FRRS1: variants seen among roughly 807,000 people sequenced by gnomAD.
FRRS1 encodes the protein ferric chelate reductase 1, also known as ferric reductase 1.
A neutral mutation model predicts 70.7 loss-of-function variants in FRRS1; 51 were observed. That is an observed-to-expected ratio of 0.72 (90% CI 0.58 to 0.91). The LOEUF (loss-of-function observed/expected upper bound fraction) is 0.91, where lower values mean the gene tolerates loss of function less well. Among genes scored for constraint, FRRS1 ranks in the 40% least tolerant of loss-of-function variants. The probability of loss-of-function intolerance (pLI) is 0.00; values close to 1 mark genes in which losing one functional copy is unlikely to be tolerated. For missense variants in FRRS1, 672 were observed against 726.0 expected, an observed-to-expected ratio of 0.93 and a Z score of 0.86; for synonymous variants, 225 against 238.7, an observed-to-expected ratio of 0.94 and a Z score of 0.53.
chr1:99,747,474 CA>C lies in FRRS1; in HGVS notation c.197-45del, dbSNP rs535935017. 2,607 of 1,523,360 alleles carry C rather than the reference CA, an allele frequency of 1.7e-3. 12 individuals carry two copies. In the African/African-American group the frequency reaches 0.017, roughly 10 times the overall value. The allele number at this position is 1,523,360 out of a possible 1,614,324, so 94.4% of individuals were successfully genotyped here. Reference sequence around the variant, plus strand: ...GGTTGGTTAAAAAGCTTAGTAATATCAAAAAAAAATGTTTAGAGGTTGTACA... The same window carrying C: ...GGTTGGTTAAAAAGCTTAGTAATATCAAAAAAAATGTTTAGAGGTTGTACA... On this transcript the variant is annotated intron_variant, in intron 3 of 16. Transcript: ENST00000646001.
chr1:99,747,689 C>A, intron 3 of FRRS1: 1 of 353,476 alleles, frequency 2.8e-6, no homozygotes, highest in Non-Finnish European at 5.2e-6. Flanking sequence ...CAGGGGCAGT[C>A]CATAAGGCTA....
At chr1:99,740,457 A>G (rs1241539191) in intron 6 of FRRS1, among the ~76,000 whole-genome samples, 1 of 152,222 alleles carries the variant, frequency 6.6e-6, no homozygotes, top group Non-Finnish European at 1.5e-5. Context: ...GCCACACAAA[A>G]TACACAGAAC....
At position 99,706,722 on chromosome 1, in the gene FRRS1, C is replaced by T. The variant is rs375338753; in HGVS notation, c.*2306G>A. Among the ~76,000 whole-genome samples, 1 of 151,960 alleles carries T rather than the reference C, an allele frequency of 6.6e-6. No individual in the cohort carries two copies. ...CAGCCTGGCCAAAATGTGAAACCCC[C>T]GTCTCTACTAAAAATATAAAAATTA... On this transcript the variant is annotated 3_prime_UTR_variant, in exon 17 of 17. Coordinates refer to ENST00000646001, the MANE Select transcript of FRRS1 (RefSeq NM_001361041.2).
intron 6 of FRRS1, 114 bp from the exon 7 acceptor site, chr1:99,738,382 C>A: frequency 1.6e-6 from 1 of 639,830 alleles, no homozygotes. Context: ...AATGAGAATA[C>A]CTTTCCATAA....
chr1:99,727,399 A>G (rs1047059334), intron 9 of FRRS1, among the ~76,000 whole-genome samples: 1 of 152,242 alleles, frequency 6.6e-6, no homozygotes, highest in East Asian at 1.9e-4. Context: ...AACTACATGT[A>G]TCACCTATAT....
At chr1:99,725,097 A>T (rs564473817) in intron 9 of FRRS1, among the ~76,000 whole-genome samples, 1 of 152,192 alleles carries the variant, frequency 6.6e-6, no homozygotes, top group African/African-American at 2.4e-5. Context: ...AGATTCTCAT[A>T]AGGAGCACAC....
chr1:99,730,225 A>G (rs542185207), intron 7 of FRRS1, among the ~76,000 whole-genome samples: 1 of 152,312 alleles, frequency 6.6e-6, no homozygotes, highest in East Asian at 1.9e-4. Context: ...ACTGCATTGT[A>G]CTGGATATTT....
chr1:99,766,431 C>T (rs1657355068), intron 1 of FRRS1, among the ~76,000 whole-genome samples, 176 bp downstream of exon 1: 1 of 152,272 alleles, frequency 6.6e-6, no homozygotes, highest in African/African-American at 2.4e-5. Flanking sequence ...CGTTAGTGAA[C>T]ACTCATTAGC....
At chr1:99,744,458 C>T (rs1355032600) in intron 4 of FRRS1, among the ~76,000 whole-genome samples, 1 of 152,140 alleles carries the variant, frequency 6.6e-6, no homozygotes, top group Non-Finnish European at 1.5e-5. Flanking sequence ...TTGAAGATAC[C>T]ATCCCGGCTA....
At position 99,708,625 on chromosome 1, in the gene FRRS1, A is replaced by AAAAAAAAAATAT. The variant is rs1553169357; in HGVS notation, c.*402_*403insATATTTTTTTTT. The AAAAAAAAAATAT allele has an allele frequency of 1.9e-5, 1 of 52,732 alleles. No individual in the cohort carries two copies. Among genetic ancestry groups the AAAAAAAAAATAT allele is most frequent in the African/African-American group, 8.6e-5 (1 of 11,674 alleles). 3.3% of individuals were successfully genotyped at this position (52,732 alleles called of 1,614,324 possible). Reference sequence around the variant, plus strand: ...AAAAAAAAAAAAAAAAAAAAAAAAAAATATATATATATATATATATATATA... The same window carrying AAAAAAAAAATAT: ...AAAAAAAAAAAAAAAAAAAAAAAAAAAAAAAAAAATATATATATATATATATATATATATATA... On this transcript the variant is annotated 3_prime_UTR_variant, in exon 17 of 17. Coordinates refer to ENST00000646001, the MANE Select transcript of FRRS1 (RefSeq NM_001361041.2).
chr1:99,745,548 G>A (rs35878017), intron 4 of FRRS1, among the ~76,000 whole-genome samples: 1 of 152,092 alleles, frequency 6.6e-6, no homozygotes, highest in South Asian at 2.1e-4. Flanking sequence ...GCCATGCATG[G>A]TGGTGGGCGC....
At chr1:99,718,178 C>T (rs769090461) in intron 10 of FRRS1, among the ~76,000 whole-genome samples, 38 of 152,252 alleles carry the variant, frequency 2.5e-4, no homozygotes, top group Non-Finnish European at 5.1e-4. Flanking sequence ...GAAAGTTTCC[C>T]CCAAAACACT....
At chr1:99,746,520 G>A (rs1448122060) in intron 4 of FRRS1, among the ~76,000 whole-genome samples, 2 of 152,184 alleles carry the variant, frequency 1.3e-5, no homozygotes, top group African/African-American at 2.4e-5. Context: ...GGTGGGGGAC[G>A]AAGGGTTTCA....
intron 1 of FRRS1, among the ~76,000 whole-genome samples, chr1:99,751,977 A>G (rs1656590167): frequency 6.6e-6 from 1 of 152,192 alleles, no homozygotes; most frequent in Non-Finnish European, 1.5e-5. Context: ...ATAAATGACA[A>G]GATATAAGGG....
chr1:99,752,117 T>C (rs1571150693), intron 1 of FRRS1, among the ~76,000 whole-genome samples: 1 of 152,192 alleles, frequency 6.6e-6, no homozygotes, highest in Non-Finnish European at 1.5e-5. Flanking sequence ...GGTTTGATCT[T>C]CTATCCAGAC....
chr1:99,742,333 C>T, intron 4 of FRRS1, 60 bp from the exon 5 acceptor site: 1 of 1,018,338 alleles, frequency 9.8e-7, no homozygotes, highest in Admixed American at 1.8e-5. Flanking sequence ...ATGGCTGGAA[C>T]TTCTATCATT....
Position 99,740,913 on chromosome 1 carries a change from G to C in FRRS1, c.456C>G (p.Ile152Met). Residue 152 changes from isoleucine (I) to methionine (M), a missense_variant, in exon 6 of 17, where the codon ATC becomes ATG. By Grantham distance (10) the Ile-to-Met change is conservative. Transcript: ENST00000646001. ...TAGGACCAGGAATCTTCACCCAGTA[G>C]ATTTTATACTTCTCAACAACTGTGA... ...FLVTVVEKYK[I>M]YWVKIPGPII... is the part of the protein sequence containing the mutation. 1.2e-6 allele frequency: 2 copies of C among 1,610,218 alleles called. No homozygotes were observed. The highest frequency in any genetic ancestry group is 1.7e-6 in the Non-Finnish European group (2 of 1,176,532).
chr1:99,744,104 A>G (rs2100973418), intron 4 of FRRS1, among the ~76,000 whole-genome samples: 2 of 151,820 alleles, frequency 1.3e-5, no homozygotes, highest in African/African-American at 4.8e-5. Flanking sequence ...AAAATTCGTA[A>G]AGCTGTCACT....
intron 12 of FRRS1, among the ~76,000 whole-genome samples, chr1:99,714,659 T>C (rs964655633): frequency 6.6e-6 from 1 of 152,192 alleles, no homozygotes; most frequent in Non-Finnish European, 1.5e-5. Context: ...ACTGTGGATA[T>C]ACTTTACAGG....
Sources: gnomAD v4.1 joint callset for allele counts (sites outside exome capture counted in the v4.1 genomes callset) on GRCh38, gnomAD v4.1.1 for gene constraint, MANE v1.5 for transcripts, NCBI Gene and HGNC (gene_info 2026-07-23, HGNC 2026-07-21) for gene names.